Variants in TMTC1 observed in about 807,000 individuals in gnomAD.
TMTC1 encodes protein O-mannosyl-transferase TMTC1.
A neutral mutation model predicts 104.8 loss-of-function variants in TMTC1; 73 were observed. That is an observed-to-expected ratio of 0.70 (90% confidence interval 0.58 to 0.85). TMTC1 has a LOEUF of 0.85. Among genes scored for constraint, TMTC1 ranks in the 40% least tolerant of loss-of-function variants. The pLI, the probability that TMTC1 is intolerant of heterozygous loss-of-function variation, is 0.00. For synonymous variants in TMTC1, 434 were observed against 428.7 expected (o/e 1.01, Z -0.15); for missense variants, 1,035 against 1,096.1 (o/e 0.94, Z 0.79).
chr12:29,594,038 T>G (rs933642740), intron 7 of TMTC1, among the ~76,000 whole-genome samples: 6 of 152,210 alleles, frequency 3.9e-5, no homozygotes, highest in African/African-American at 1.4e-4. Context: ...CTGTCCATAT[T>G]CAGGGCCTGG....
chr12:29,577,543 A>G (rs1945857863), intron 8 of TMTC1, among the ~76,000 whole-genome samples: 1 of 152,148 alleles, frequency 6.6e-6, no homozygotes, highest in African/African-American at 2.4e-5. Flanking sequence ...CACAACACAG[A>G]ATAGGAGGAC....
chr12:29,578,811 G>T (rs1026278672), intron 8 of TMTC1, among the ~76,000 whole-genome samples: 7 of 152,144 alleles, frequency 4.6e-5, no homozygotes, highest in African/African-American at 1.7e-4. Flanking sequence ...TGTTCAGTCA[G>T]AGGTTAGCAA....
intron 3 of TMTC1, among the ~76,000 whole-genome samples, chr12:29,757,885 G>GCAGCACAGGAAAGATCCACCCC (rs1268083881): frequency 1.1e-3 from 160 of 152,202 alleles, no homozygotes; most frequent in Non-Finnish European, 1.7e-3. Flanking sequence ...TATCATGAGA[G>GCAGCACAGGAAAGATCCACCCC]CAGCACAGGA....
intron 5 of TMTC1, among the ~76,000 whole-genome samples, chr12:29,646,797 C>T (rs1939287402): frequency 6.6e-6 from 1 of 152,154 alleles, no homozygotes; most frequent in Non-Finnish European, 1.5e-5. Context: ...CTACCGGGGA[C>T]ACAGTTTTTG....
In TMTC1 at chr12:29,767,233, G is replaced by A. The variant is rs938576048; in HGVS notation, c.480+665C>T. Among the ~76,000 whole-genome samples the A allele has an allele frequency of 3.3e-5, 5 of 152,122 alleles. No individual in the cohort carries two copies. The East Asian group carries it at 7.7e-4, about 23-fold the overall frequency. On this transcript the variant is annotated intron_variant, in intron 2 of 17. Coordinates refer to ENST00000539277, the MANE Select transcript of TMTC1 (RefSeq NM_001193451.2). ...CTCCCAAAGTGCTGGGATTACAGGC[G>A]TGAGCCACCACACCCAGCCAATACT... is the stretch of plus-strand genomic sequence containing the variant.
At chr12:29,661,197 C>G (rs923710537) in intron 5 of TMTC1, 1 of 223,540 alleles carries the variant, frequency 4.5e-6, no homozygotes, top group African/African-American at 2.3e-5. Context: ...CAGGACTCAG[C>G]TCTGTTAGCT....
chr12:29,631,531 A>C (rs1404575087), intron 6 of TMTC1, among the ~76,000 whole-genome samples: 1 of 152,218 alleles, frequency 6.6e-6, no homozygotes, highest in Non-Finnish European at 1.5e-5. Flanking sequence ...TATGTCAAAA[A>C]ACAGTTGATC....
chr12:29,677,566 C>G (rs1940773683), intron 5 of TMTC1, among the ~76,000 whole-genome samples: 1 of 152,194 alleles, frequency 6.6e-6, no homozygotes. Flanking sequence ...CAGTCAATTG[C>G]CGTCCAAAAA....
At chr12:29,673,256 TGAG>T (rs1462422089) in intron 5 of TMTC1, among the ~76,000 whole-genome samples, 30 of 152,250 alleles carry the variant, frequency 2.0e-4, no homozygotes, top group African/African-American at 7.2e-4. Flanking sequence ...TTGAAACTCC[TGAG>T]AAGAAAGCTA....
chr12:29,740,185 T>A (rs7958531), intron 5 of TMTC1, among the ~76,000 whole-genome samples: 6 of 152,242 alleles, frequency 3.9e-5, no homozygotes, highest in Admixed American at 1.3e-4. Flanking sequence ...AGCTCATTTT[T>A]AAAAAAAATT....
At chr12:29,778,608 A>G (rs937953367) in intron 1 of TMTC1, among the ~76,000 whole-genome samples, 4 of 152,234 alleles carry the variant, frequency 2.6e-5, no homozygotes, top group African/African-American at 9.6e-5. Flanking sequence ...CTGTACCACT[A>G]TGGTCCAAAA....
At chr12:29,588,004 T>C (rs140514922) in intron 7 of TMTC1, among the ~76,000 whole-genome samples, 168 of 152,312 alleles carry the variant, frequency 1.1e-3, no homozygotes, top group African/African-American at 3.8e-3. Flanking sequence ...GTTTCTGACT[T>C]GGGAGACCCT....
intron 5 of TMTC1, among the ~76,000 whole-genome samples, chr12:29,664,792 A>G (rs1375262936): frequency 2.0e-5 from 3 of 152,182 alleles, no homozygotes; most frequent in Non-Finnish European, 2.9e-5. Context: ...AGTACCTAAA[A>G]TTGTCTTCAA....
intron 8 of TMTC1, among the ~76,000 whole-genome samples, chr12:29,582,205 G>A (rs1946000886): frequency 6.6e-6 from 1 of 152,220 alleles, no homozygotes; most frequent in African/African-American, 2.4e-5. Flanking sequence ...GAAGAGTGCA[G>A]TGAACCTTTG....
At chr12:29,540,310 C>T (rs1944760618) in intron 10 of TMTC1, among the ~76,000 whole-genome samples, 1 of 152,194 alleles carries the variant, frequency 6.6e-6, no homozygotes, top group African/African-American at 2.4e-5. Flanking sequence ...AAGTAATTTA[C>T]TCTAATTCTC....
chr12:29,507,073 GC>G, intron 17 of TMTC1, 87 bp from the exon 18 acceptor site: 1 of 1,137,980 alleles, frequency 8.8e-7, no homozygotes. Context: ...CTGACCCTCT[GC>G]CCAGTTTTAC....
At chr12:29,710,451 C>G (rs1184307979) in intron 5 of TMTC1, among the ~76,000 whole-genome samples, 1 of 150,986 alleles carries the variant, frequency 6.6e-6, no homozygotes, top group African/African-American at 2.4e-5. Context: ...TGTCATCAAC[C>G]TAGATCACAA....
intron 5 of TMTC1, among the ~76,000 whole-genome samples, chr12:29,685,692 G>A (rs1278308350): frequency 6.6e-6 from 1 of 151,984 alleles, no homozygotes; most frequent in Non-Finnish European, 1.5e-5. Context: ...TGAAAAGCCT[G>A]TTCAATGAGT....
intron 5 of TMTC1, among the ~76,000 whole-genome samples, chr12:29,651,902 C>CAAA (rs34170602): frequency 3.5e-5 from 5 of 143,132 alleles, no homozygotes; most frequent in African/African-American, 1.0e-4. Context: ...AAAACTTGCC[C>CAAA]AAAAAAAAAA....
Sources: gnomAD v4.1 joint callset for allele counts (sites outside exome capture counted in the v4.1 genomes callset) on GRCh38, gnomAD v4.1.1 for gene constraint, MANE v1.5 for transcripts, NCBI Gene and HGNC (gene_info 2026-07-23, HGNC 2026-07-21) for gene names.